The following CSMD1 variants were observed in gnomAD, a reference collection of about 807,000 sequenced individuals.
The protein encoded by CSMD1 is CUB and Sushi multiple domains 1.
A neutral mutation model predicts 417.5 loss-of-function variants in CSMD1; 213 were observed. That is an observed-to-expected ratio of 0.51 (90% CI 0.46 to 0.57). The LOEUF (loss-of-function observed/expected upper bound fraction) is 0.57, where lower values mean the gene tolerates loss of function less well. Ranked by LOEUF, CSMD1 falls within the 20% of genes least tolerant of loss-of-function variation. The probability of loss-of-function intolerance (pLI) is 0.00; values close to 1 mark genes in which losing one functional copy is unlikely to be tolerated. For synonymous variants in CSMD1, 2,862 were observed against 1,736.8 expected, an observed-to-expected ratio of 1.65 and a Z score of -16.11; for missense variants, 6,923 against 4,529.7, an observed-to-expected ratio of 1.53 and a Z score of -15.17.
intron 9 of CSMD1, among the ~76,000 whole-genome samples, chr8:3,580,722 T>G (rs1236340540): frequency 3.9e-5 from 6 of 152,174 alleles, no homozygotes; most frequent in Non-Finnish European, 7.3e-5. Flanking sequence ...TGTCTAAATC[T>G]CTGAGACAGT....
chr8:4,138,742 T>A (rs1027143014), intron 3 of CSMD1, among the ~76,000 whole-genome samples: 1 of 152,174 alleles, frequency 6.6e-6, no homozygotes. Context: ...AGAGGAAAAA[T>A]ACTAAACCAA....
At chr8:4,399,884 T>C (rs1804531792) in intron 3 of CSMD1, among the ~76,000 whole-genome samples, 4 of 152,136 alleles carry the variant, frequency 2.6e-5, no homozygotes, top group Admixed American at 1.3e-4. Context: ...AAGTAGTAAA[T>C]ATCATCATTT....
chr8:3,816,440 A>G (rs1801369446), intron 5 of CSMD1, among the ~76,000 whole-genome samples: 1 of 152,174 alleles, frequency 6.6e-6, no homozygotes. Flanking sequence ...TATAGTTATC[A>G]TTGTTCTATT....
chr8:4,574,668 G>C (rs544557172), intron 2 of CSMD1, among the ~76,000 whole-genome samples: 3 of 152,264 alleles, frequency 2.0e-5, no homozygotes, highest in African/African-American at 4.8e-5. Context: ...CTTTGAATTA[G>C]CTATACGCTC....
In CSMD1 at chr8:3,414,007, T is replaced by C. The variant is rs11995571; in HGVS notation, c.1562-4402A>G. On this transcript the variant is annotated intron_variant, in intron 12 of 69. Transcript: ENST00000635120. ...TACAAAAATTAGCCGGGAATGGTGGTGCACGCCTGGAATCCCAACTACTGG... is the reference window on the plus strand; with the variant it reads ...TACAAAAATTAGCCGGGAATGGTGGCGCACGCCTGGAATCCCAACTACTGG... 4.9e-3 allele frequency among the ~76,000 whole-genome samples: 737 copies of C among 151,582 alleles called. 6 individuals carry two copies. The highest frequency in any genetic ancestry group is 0.017 in the African/African-American group (687 of 41,336).
In CSMD1 at chr8:4,132,881, T is replaced by C. The variant is rs80126895; in HGVS notation, c.416-100782A>G. On this transcript the variant is annotated intron_variant, in intron 3 of 69. Coordinates refer to ENST00000635120, the MANE Select transcript of CSMD1 (RefSeq NM_033225.6). ...GGATATATGAAATTTATTCTATTTC[T>C]AGAAAGATTATCTTTTATTAACAAA... Among the ~76,000 whole-genome samples, 50 of 152,336 alleles carry C rather than the reference T, an allele frequency of 3.3e-4. 2 individuals carry two copies. In the East Asian group the frequency reaches 9.1e-3, roughly 28 times the overall value.
At chr8:4,197,644 C>A (rs767242341) in intron 3 of CSMD1, among the ~76,000 whole-genome samples, 1 of 152,182 alleles carries the variant, frequency 6.6e-6, no homozygotes, top group South Asian at 2.1e-4. Context: ...TTTGGGAGGC[C>A]GAGGCAGGTG....
chr8:3,600,306 T>C (rs908665246), intron 8 of CSMD1, among the ~76,000 whole-genome samples: 2 of 152,224 alleles, frequency 1.3e-5, no homozygotes, highest in African/African-American at 4.8e-5. Flanking sequence ...CCAAAGGGCA[T>C]TTAATGCTGT....
chr8:3,252,697 T>A (rs1360400905), intron 26 of CSMD1, among the ~76,000 whole-genome samples: 5 of 152,142 alleles, frequency 3.3e-5, no homozygotes, highest in Admixed American at 6.5e-5. Flanking sequence ...GTCCTGGACT[T>A]TTTTTAGGTT....
chr8:3,777,688 G>A (rs556911390), intron 5 of CSMD1, among the ~76,000 whole-genome samples: 1 of 151,226 alleles, frequency 6.6e-6, no homozygotes, highest in African/African-American at 2.4e-5. Flanking sequence ...CAGGACCCAC[G>A]CCAGACCTGC....
chr8:3,396,380 A>G lies in CSMD1; in HGVS notation c.2407T>C (p.Phe803Leu), dbSNP rs760237952. Residue 803 changes from phenylalanine to leucine, a missense_variant and splice_region_variant, in exon 17 of 70, where the codon TTT becomes CTT. Transcript: ENST00000635120. Reference sequence around the variant, plus strand: ...GTGTCATAATTGACCTCTGTCTGAAATCTGCAAATATATACATCCCATCAG... The same window carrying G: ...GTGTCATAATTGACCTCTGTCTGAAGTCTGCAAATATATACATCCCATCAG... ...GHSIKITFDRFQTEVNYDTLE... is the reference protein window; with the variant it reads ...GHSIKITFDRLQTEVNYDTLE... The G allele has an allele frequency of 6.4e-7, 1 of 1,569,050 alleles. No homozygotes were observed.
In CSMD1 at chr8:3,559,717, G is replaced by T. The variant is rs112148997; in HGVS notation, c.1344+15228C>A. Among the ~76,000 whole-genome samples, 430 of 152,132 alleles carry T rather than the reference G, an allele frequency of 2.8e-3. 2 individuals are homozygous for T. Among genetic ancestry groups the T allele is most frequent in the African/African-American group, 5.5e-3 (230 of 41,482 alleles). ...TTAAAATAATGATCACATATTGATT[G>T]TATTTTATACATATATCTACATTTT... is the stretch of plus-strand genomic sequence containing the variant. On this transcript the variant is annotated intron_variant, in intron 10 of 69. Coordinates refer to ENST00000635120, the MANE Select transcript of CSMD1 (RefSeq NM_033225.6).
intron 54 of CSMD1, among the ~76,000 whole-genome samples, chr8:2,979,862 G>A (rs535832030): frequency 3.1e-3 from 472 of 152,254 alleles, no homozygotes; most frequent in Non-Finnish European, 5.5e-3. Context: ...TGTGAAGTTC[G>A]GGCAAATAAT....
intron 7 of CSMD1, among the ~76,000 whole-genome samples, chr8:3,673,571 T>C (rs1016456283): frequency 6.6e-6 from 1 of 152,208 alleles, no homozygotes; most frequent in African/African-American, 2.4e-5. Context: ...CCTCTCAGTA[T>C]GCACATACTT....
chr8:4,002,425 G>A (rs1815761646), intron 4 of CSMD1, among the ~76,000 whole-genome samples: 2 of 152,244 alleles, frequency 1.3e-5, no homozygotes, highest in African/African-American at 4.8e-5. Flanking sequence ...TATGTTTGAT[G>A]AGCAAAACAT....
chr8:3,524,146 T>G (rs1051682972), intron 10 of CSMD1, among the ~76,000 whole-genome samples: 31 of 144,252 alleles, frequency 2.1e-4, no homozygotes, highest in Non-Finnish European at 4.2e-4. Context: ...CACACGCACA[T>G]ATGCATGCAC....
intron 10 of CSMD1, among the ~76,000 whole-genome samples, chr8:3,514,446 C>T (rs1434865197): frequency 6.6e-6 from 1 of 152,206 alleles, no homozygotes; most frequent in Admixed American, 6.5e-5. Context: ...TCCCCATCTG[C>T]TCACGGGTCA....
intron 1 of CSMD1, among the ~76,000 whole-genome samples, chr8:4,655,956 G>A (rs1297462359): frequency 6.6e-6 from 1 of 152,102 alleles, no homozygotes; most frequent in Non-Finnish European, 1.5e-5. Flanking sequence ...GTGCTCCCTG[G>A]AGTTCCATGT....
chr8:3,968,272 T>A (rs181303108), intron 5 of CSMD1, among the ~76,000 whole-genome samples: 1 of 151,968 alleles, frequency 6.6e-6, no homozygotes, highest in Non-Finnish European at 1.5e-5. Flanking sequence ...CAGGTATAGG[T>A]AGTATGAGTA....
Sources: allele counts gnomAD v4.1 joint callset (sites outside exome capture counted in the v4.1 genomes callset), GRCh38; gene constraint gnomAD v4.1.1; transcripts MANE v1.5; gene names NCBI Gene and HGNC (gene_info 2026-07-23, HGNC 2026-07-21).